LSAMP: variants seen among roughly 807,000 people sequenced by gnomAD.
The protein encoded by LSAMP is limbic system associated membrane protein.
LSAMP carries 7 observed loss-of-function variants against 38.6 expected under a neutral mutation model. That is an observed-to-expected ratio of 0.18 (90% CI 0.10 to 0.34). LSAMP has a LOEUF of 0.34. Ranked by LOEUF, LSAMP falls within the 10% of genes least tolerant of loss-of-function variation. LSAMP has a pLI of 1.00. For synonymous variants in LSAMP, 154 were observed against 166.8 expected, an observed-to-expected ratio of 0.92 and a Z score of 0.59; for missense variants, 313 against 420.0, an observed-to-expected ratio of 0.75 and a Z score of 2.23.
chr3:116,154,473 T>C (rs1019315671), intron 1 of LSAMP, among the ~76,000 whole-genome samples: 6 of 152,154 alleles, frequency 3.9e-5, no homozygotes, highest in African/African-American at 1.2e-4. Flanking sequence ...TCAAATGGAA[T>C]CTTCTAACCC....
chr3:116,320,702 T>C (rs2047695951), intron 1 of LSAMP, among the ~76,000 whole-genome samples: 1 of 152,158 alleles, frequency 6.6e-6, no homozygotes, highest in South Asian at 2.1e-4. Flanking sequence ...CTCGACATAT[T>C]TAAGGATGAC....
At position 115,809,077 on chromosome 3, in the gene LSAMP, C is replaced by T. The variant is rs1287392703; in HGVS notation, c.*1240G>A. On this transcript the variant is annotated 3_prime_UTR_variant, in exon 7 of 7. Transcript: ENST00000490035. ...CCTGTTTCTGGGGATTTACTCAACA[C>T]ATGCTGCTCATTTTCACAGTGGAGC... 1 of 152,188 alleles carries T rather than the reference C, an allele frequency of 6.6e-6. No homozygotes were observed. The highest frequency in any genetic ancestry group is 1.9e-4 in the East Asian group (1 of 5,192). The allele number at this position is 152,188 out of a possible 1,614,324, so 9.4% of individuals were successfully genotyped here. A position where few individuals can be genotyped will look rare whatever the true frequency, so the allele number is the denominator to read the frequency against.
intron 1 of LSAMP, among the ~76,000 whole-genome samples, chr3:116,418,241 T>C (rs2049076443): frequency 6.6e-6 from 1 of 152,202 alleles, no homozygotes; most frequent in African/African-American, 2.4e-5. Context: ...TTAGCACTGA[T>C]CTCACTTGTG....
intron 1 of LSAMP, among the ~76,000 whole-genome samples, chr3:116,442,862 A>T (rs1052896574): frequency 2.0e-5 from 3 of 152,234 alleles, no homozygotes; most frequent in Non-Finnish European, 4.4e-5. Context: ...CGCCATAGAC[A>T]TACAAAAGCA....
At chr3:116,436,508 A>T (rs1012227457) in intron 1 of LSAMP, among the ~76,000 whole-genome samples, 26 of 152,172 alleles carry the variant, frequency 1.7e-4, no homozygotes, top group Non-Finnish European at 3.4e-4. Context: ...GTAAGAAAAA[A>T]TCCCATCAAA....
intron 3 of LSAMP, among the ~76,000 whole-genome samples, chr3:115,972,169 A>G (rs1443361034): frequency 6.6e-6 from 1 of 152,096 alleles, no homozygotes; most frequent in Non-Finnish European, 1.5e-5. Flanking sequence ...CATAAAGAAG[A>G]GTCAGAGAAT....
chr3:116,258,228 C>T (rs972725903), intron 1 of LSAMP, among the ~76,000 whole-genome samples: 10 of 151,944 alleles, frequency 6.6e-5, no homozygotes, highest in Admixed American at 6.6e-5. Context: ...AGGATTAATC[C>T]GTCTTCTCCC....
At chr3:116,280,604 G>C (rs2047115589) in intron 1 of LSAMP, among the ~76,000 whole-genome samples, 1 of 152,178 alleles carries the variant, frequency 6.6e-6, no homozygotes, top group African/African-American at 2.4e-5. Flanking sequence ...TTAGGGCCTG[G>C]GGTTTCTGAA....
intron 1 of LSAMP, among the ~76,000 whole-genome samples, chr3:116,123,648 A>G (rs1708938431): frequency 6.6e-6 from 1 of 152,198 alleles, no homozygotes; most frequent in Admixed American, 6.5e-5. Context: ...TTTATTTTAA[A>G]TGGATAAGGG....
chr3:115,906,616 C>T (rs369375152), intron 3 of LSAMP, among the ~76,000 whole-genome samples: 3 of 152,120 alleles, frequency 2.0e-5, no homozygotes, highest in South Asian at 2.1e-4. Flanking sequence ...GCTGCATATC[C>T]ACCATCAAAG....
chr3:115,924,107 A>C (rs1263584405), intron 3 of LSAMP, among the ~76,000 whole-genome samples: 1 of 152,138 alleles, frequency 6.6e-6, no homozygotes, highest in Non-Finnish European at 1.5e-5. Context: ...CCTAATTCAC[A>C]TTAGCAAAGA....
In LSAMP at chr3:116,090,103, C is replaced by T. The variant is rs771769808; in HGVS notation, c.156-3547G>A. 7.2e-4 allele frequency among the ~76,000 whole-genome samples: 108 copies of T among 150,904 alleles called. 1 individual carries two copies. The highest frequency in any genetic ancestry group is 6.8e-3 in the Middle Eastern group (2 of 294). ...GTGGCGCATGCCTGTAATCCCAGCT[C>T]TTTGGGAGGCTGGAGGCAGGAAAAT... On this transcript the variant is annotated intron_variant, in intron 1 of 6. Coordinates refer to ENST00000490035, the MANE Select transcript of LSAMP (RefSeq NM_002338.5).
At chr3:116,190,379 G>A (rs1292497149) in intron 1 of LSAMP, among the ~76,000 whole-genome samples, 2 of 152,086 alleles carry the variant, frequency 1.3e-5, no homozygotes, top group African/African-American at 2.4e-5. Flanking sequence ...AAAAGTGATA[G>A]AGTGCTACAC....
At position 116,087,928 on chromosome 3, in the gene LSAMP, C is replaced by G. The variant is rs139853017; in HGVS notation, c.156-1372G>C. 9.9e-4 allele frequency among the ~76,000 whole-genome samples: 138 copies of G among 138,772 alleles called. 2 individuals are homozygous for G. The East Asian group carries it at 0.012, about 12-fold the overall frequency. 91.0% of individuals were successfully genotyped at this position (138,772 alleles called of 152,430 possible). ...TTTTTTTTTTGAGACAGATCTTGTT[C>G]GGTCACCAAGACTGGGGAGCAGTGG... On this transcript the variant is annotated intron_variant, in intron 1 of 6. Transcript: ENST00000490035.
chr3:116,369,320 A>T (rs1677531257), intron 1 of LSAMP, among the ~76,000 whole-genome samples: 1 of 152,194 alleles, frequency 6.6e-6, no homozygotes, highest in African/African-American at 2.4e-5. Flanking sequence ...CAGTCAAGAG[A>T]AAAAATGTTA....
chr3:116,337,741 T>C (rs922255873), intron 1 of LSAMP, among the ~76,000 whole-genome samples: 1 of 152,008 alleles, frequency 6.6e-6, no homozygotes, highest in Non-Finnish European at 1.5e-5. Flanking sequence ...TTAGGAACAC[T>C]CTTTCCAGAT....
chr3:116,280,585 C>T (rs908951634), intron 1 of LSAMP, among the ~76,000 whole-genome samples: 12 of 152,124 alleles, frequency 7.9e-5, no homozygotes, highest in African/African-American at 2.9e-4. Context: ...CTGTGCTATT[C>T]GATGATACTT....
chr3:115,967,032 T>C (rs1938838960), intron 3 of LSAMP, among the ~76,000 whole-genome samples: 1 of 152,232 alleles, frequency 6.6e-6, no homozygotes, highest in Admixed American at 6.5e-5. Flanking sequence ...TCATTACTTA[T>C]GCAAATTTCT....
chr3:116,316,642 G>A (rs1194694160), intron 1 of LSAMP, among the ~76,000 whole-genome samples: 3 of 151,872 alleles, frequency 2.0e-5, no homozygotes, highest in Non-Finnish European at 2.9e-5. Context: ...AGGATGGCGG[G>A]TGCCTGTAAT....
Sources: gnomAD v4.1 joint callset for allele counts (sites outside exome capture counted in the v4.1 genomes callset) on GRCh38, gnomAD v4.1.1 for gene constraint, MANE v1.5 for transcripts, NCBI Gene and HGNC (gene_info 2026-07-23, HGNC 2026-07-21) for gene names.